The following NLGN1 variants were observed in gnomAD, a reference collection of about 807,000 sequenced individuals.
The protein encoded by NLGN1 is neuroligin-1.
In NLGN1, 12 loss-of-function variants were observed where a neutral mutation model predicts 65.5. That is an observed-to-expected ratio of 0.18 (90% CI 0.12 to 0.30). NLGN1 has a LOEUF of 0.30. NLGN1 is among the 10% of genes least tolerant of loss of function. The pLI is 1.00. For synonymous variants in NLGN1, 350 were observed against 359.5 expected (o/e 0.97, Z 0.30); for missense variants, 750 against 1,007.1 (o/e 0.74, Z 3.46).
chr3:173,911,061 G>A (rs1560610638), intron 4 of NLGN1, among the ~76,000 whole-genome samples: 1 of 152,042 alleles, frequency 6.6e-6, no homozygotes, highest in Non-Finnish European at 1.5e-5. Flanking sequence ...AGGTATAAGA[G>A]ACTAAATTTG....
intron 4 of NLGN1, among the ~76,000 whole-genome samples, chr3:174,130,750 G>A (rs1287713557): frequency 4.6e-5 from 7 of 152,080 alleles, no homozygotes; most frequent in Non-Finnish European, 7.4e-5. Context: ...CATTAATGAC[G>A]GAAGAATGAG....
At chr3:173,789,754 G>A (rs1712226664) in intron 3 of NLGN1, 4 of 443,108 alleles carry the variant, frequency 9.0e-6, no homozygotes, top group South Asian at 4.9e-5. Context: ...CATAATGTAC[G>A]GTGTTCCACA....
At chr3:173,589,845 T>C (rs895680887) in intron 2 of NLGN1, among the ~76,000 whole-genome samples, 28 of 152,292 alleles carry the variant, frequency 1.8e-4, no homozygotes, top group Non-Finnish European at 3.4e-4. Context: ...AAGAGGTTAC[T>C]TGTAATGTTT....
chr3:174,249,632 G>C (rs1744424196), intron 4 of NLGN1, among the ~76,000 whole-genome samples: 1 of 152,150 alleles, frequency 6.6e-6, no homozygotes, highest in African/African-American at 2.4e-5. Flanking sequence ...ATGTAAAGTT[G>C]AATGAGTACT....
At chr3:173,860,895 C>T (rs572108790) in intron 4 of NLGN1, among the ~76,000 whole-genome samples, 1 of 152,164 alleles carries the variant, frequency 6.6e-6, no homozygotes, top group Admixed American at 6.5e-5. Context: ...CAGTCAGAGA[C>T]AGCATTCAAG....
chr3:173,416,349 G>A (rs921744633), intron 1 of NLGN1, among the ~76,000 whole-genome samples: 1 of 152,150 alleles, frequency 6.6e-6, no homozygotes, highest in Non-Finnish European at 1.5e-5. Context: ...GATAGTATAT[G>A]CAGAATATGC....
intron 4 of NLGN1, among the ~76,000 whole-genome samples, chr3:173,892,803 G>T (rs1287865373): frequency 6.6e-6 from 1 of 152,142 alleles, no homozygotes; most frequent in Admixed American, 6.5e-5. Flanking sequence ...AGGAAGTGAG[G>T]CATGCCAGAG....
At chr3:173,727,030 GAGAA>G (rs1160086370) in intron 3 of NLGN1, among the ~76,000 whole-genome samples, 2 of 151,742 alleles carry the variant, frequency 1.3e-5, no homozygotes, top group African/African-American at 2.4e-5. Context: ...GAAAAGGAGA[GAGAA>G]AGAAAGAAAA....
Position 173,464,435 on chromosome 3 carries a change from AT to A in NLGN1, c.-321+29373del, listed in dbSNP as rs10649807. On this transcript the variant is annotated intron_variant, in intron 2 of 6. Transcript: ENST00000457714. Reference sequence around the variant, plus strand: ...ACCACCTCCCATGGTATCAGTTACAATTTTTTTTTTTTTTTTGGAGATGGAG... The same window carrying A: ...ACCACCTCCCATGGTATCAGTTACAATTTTTTTTTTTTTTTGGAGATGGAG... Among the ~76,000 whole-genome samples the A allele has an allele frequency of 2.3e-4, 32 of 138,570 alleles. 1 individual carries two copies. The highest frequency in any genetic ancestry group is 2.9e-4 in the Non-Finnish European group (19 of 65,624). The allele number at this position is 138,570 out of a possible 152,430, so 90.9% of individuals were successfully genotyped here. A position where few individuals can be genotyped will look rare whatever the true frequency, so the allele number is the denominator to read the frequency against.
At chr3:173,888,510 G>A (rs568856679) in intron 4 of NLGN1, among the ~76,000 whole-genome samples, 61 of 152,122 alleles carry the variant, frequency 4.0e-4, no homozygotes, top group Admixed American at 1.4e-3. Flanking sequence ...TGTGGATGCA[G>A]AACCTATGGG....
chr3:173,860,435 T>A (rs573237348), intron 4 of NLGN1, among the ~76,000 whole-genome samples: 2 of 152,318 alleles, frequency 1.3e-5, no homozygotes, highest in African/African-American at 4.8e-5. Flanking sequence ...TCAATTATTT[T>A]ATCTTTTCTC....
chr3:173,432,301 A>G (rs1185196316), intron 1 of NLGN1, among the ~76,000 whole-genome samples: 2 of 152,260 alleles, frequency 1.3e-5, no homozygotes, highest in African/African-American at 4.8e-5. Flanking sequence ...AAGAAATTAC[A>G]AAACTGACTT....
At chr3:174,103,507 T>G (rs1713019065) in intron 4 of NLGN1, among the ~76,000 whole-genome samples, 1 of 152,056 alleles carries the variant, frequency 6.6e-6, no homozygotes, top group African/African-American at 2.4e-5. Flanking sequence ...ATTTTAAACA[T>G]AATGATGGGA....
intron 2 of NLGN1, among the ~76,000 whole-genome samples, chr3:173,539,799 T>TATATGTAC (rs1560407809): frequency 3.4e-4 from 15 of 43,938 alleles, no homozygotes; most frequent in South Asian, 7.0e-4. Flanking sequence ...CATATATACA[T>TATATGTAC]ATATATACAT....
At chr3:173,737,957 G>T (rs1774042715) in intron 3 of NLGN1, among the ~76,000 whole-genome samples, 1 of 152,032 alleles carries the variant, frequency 6.6e-6, no homozygotes, top group Non-Finnish European at 1.5e-5. Flanking sequence ...TAATGAATGT[G>T]AAATCATATC....
rs939345422 is a variant in NLGN1, at chr3:173,491,736, G to A, written c.-321+56658G>A. ...TATGACTTCCATATCTATATCTCTA[G>A]GATGGTTCTTATTTTCCTTGATACG... On this transcript the variant is annotated intron_variant, in intron 2 of 6. Transcript: ENST00000457714. Among the ~76,000 whole-genome samples, 4 of 151,568 alleles carry A rather than the reference G, an allele frequency of 2.6e-5. No homozygotes were observed. The South Asian group carries it at 8.3e-4, about 31-fold the overall frequency.
chr3:173,708,932 T>TA (rs1415261641), intron 3 of NLGN1, among the ~76,000 whole-genome samples: 1 of 152,250 alleles, frequency 6.6e-6, no homozygotes, highest in African/African-American at 2.4e-5. Context: ...AATTTTGTTT[T>TA]AAAAGTGAGG....
At chr3:173,744,893 G>A (rs541244418) in intron 3 of NLGN1, among the ~76,000 whole-genome samples, 91 of 151,614 alleles carry the variant, frequency 6.0e-4, no homozygotes, top group Middle Eastern at 3.4e-3. Context: ...TTCTGCTACC[G>A]TGTATACCAA....
intron 4 of NLGN1, among the ~76,000 whole-genome samples, chr3:174,125,475 G>GCT (rs1475111344): frequency 1.3e-5 from 2 of 152,054 alleles, no homozygotes; most frequent in Non-Finnish European, 2.9e-5. Context: ...TGTTTACAAA[G>GCT]CTAGAGGGAA....
Sources: gnomAD v4.1 joint callset for allele counts (sites outside exome capture counted in the v4.1 genomes callset) on GRCh38, gnomAD v4.1.1 for gene constraint, MANE v1.5 for transcripts, NCBI Gene and HGNC (gene_info 2026-07-23, HGNC 2026-07-21) for gene names.